Variants in ZNF454 observed in about 807,000 individuals in gnomAD.
ZNF454 encodes zinc finger protein 454.
Under a neutral mutation model 48.2 loss-of-function variants are expected in ZNF454, and 30 were observed. The ratio of observed to expected loss-of-function variants is 0.62; its 90% CI spans 0.47 to 0.84. The LOEUF (loss-of-function observed/expected upper bound fraction) is 0.84, where lower values mean the gene tolerates loss of function less well. ZNF454 is among the 40% of genes least tolerant of loss of function. The probability of loss-of-function intolerance (pLI) is 0.00; values close to 1 mark genes in which losing one functional copy is unlikely to be tolerated. For missense variants in ZNF454, 510 were observed against 623.1 expected (o/e 0.82, Z 1.93); for synonymous variants, 204 against 211.4 (o/e 0.97, Z 0.30).
intron 2 of ZNF454, among the ~76,000 whole-genome samples, chr5:178,943,807 C>T (rs1362768740): frequency 5.3e-5 from 8 of 152,154 alleles, no homozygotes; most frequent in South Asian, 2.1e-4. Flanking sequence ...CAGCGGATCA[C>T]GAGGTCAGGA....
chr5:178,950,427 G>C (rs925840618), intron 4 of ZNF454, among the ~76,000 whole-genome samples: 3 of 152,208 alleles, frequency 2.0e-5, no homozygotes, highest in Non-Finnish European at 4.4e-5. Context: ...AATTTGGACT[G>C]ATGTAATGCT....
chr5:178,985,822 T>C, the ZNF454 span: 9 of 527,084 alleles, frequency 1.7e-5, no homozygotes, highest in African/African-American at 5.8e-5. Flanking sequence ...ATTGTAGTGG[T>C]GCGATCTTGG....
intron 4 of ZNF454, among the ~76,000 whole-genome samples, chr5:178,957,423 TTTTG>T (rs1203493427): frequency 1.3e-5 from 2 of 151,954 alleles, no homozygotes; most frequent in East Asian, 3.9e-4. Flanking sequence ...ATTTTATTTT[TTTTG>T]GGGACGAAGT....
chr5:178,965,808 C>G lies in ZNF454; in HGVS notation c.1404C>G (p.Tyr468Ter). The stretch of plus-strand genomic sequence containing the variant: ...GAATTCATACTAGGGAAAAACCTTA[C>G]AAATGTAAAATCTGTGAGAAAGCCT... Reference protein sequence around the residue: ...HKRIHTREKPYKCKICEKAFI... With the variant: ...HKRIHTREKP The change falls in exon 5 of 5, where the codon TAC becomes TAG. Residue 468 changes from tyrosine (Y) to a stop codon, truncating the protein, a stop_gained. Coordinates refer to ENST00000519564, the MANE Select transcript of ZNF454 (RefSeq NM_001178089.3). LOFTEE classifies it high-confidence loss of function. The surrounding 1 kb of genome is among the most constrained non-coding windows in gnomAD (Gnocchi z 5.2). 6.2e-7 allele frequency: 1 copy of G among 1,614,066 alleles called. No homozygotes were observed. Among genetic ancestry groups the G allele is most frequent in the Non-Finnish European group, 8.5e-7 (1 of 1,180,030 alleles).
chr5:178,941,300 A>G lies in ZNF454; in HGVS notation c.-252A>G, dbSNP rs1759075914. 2 of 441,770 alleles carry G rather than the reference A, an allele frequency of 4.5e-6. No homozygotes were observed. Among genetic ancestry groups the G allele is most frequent in the Non-Finnish European group, 9.1e-6 (2 of 218,650 alleles). 27.4% of individuals were successfully genotyped at this position (441,770 alleles called of 1,614,324 possible). ...CTCCTCGAAGAGCGACACGGGGCTG[A>G]CCAGGCACGGTGGTCAAAGCCGCAG... On this transcript the variant is annotated 5_prime_UTR_variant, in exon 1 of 5. Coordinates refer to ENST00000519564, the MANE Select transcript of ZNF454 (RefSeq NM_001178089.3). This position sits in a 1 kb window ranked among gnomAD's most constrained non-coding sequence, Gnocchi z 5.5.
chr5:178,948,648 G>C (rs191115361), intron 4 of ZNF454, among the ~76,000 whole-genome samples: 1 of 152,272 alleles, frequency 6.6e-6, no homozygotes, highest in East Asian at 1.9e-4. Flanking sequence ...TCTGAGTTTC[G>C]TGGAGATGCC....
At chr5:178,985,618 G>T in the ZNF454 span, 8 of 363,380 alleles carry the variant, frequency 2.2e-5, no homozygotes, top group African/African-American at 4.3e-5. Context: ...CAGGAGAATG[G>T]CGTGAACCCG....
chr5:178,982,016 G>A, the ZNF454 span, among the ~76,000 whole-genome samples: 7 of 152,326 alleles, frequency 4.6e-5, no homozygotes, highest in African/African-American at 1.4e-4. Context: ...CCCCGCGCCT[G>A]AGGGGCTGGC....
downstream of ZNF454, among the ~76,000 whole-genome samples, chr5:178,971,324 AAAGGC>A (rs1224276286): frequency 1.3e-5 from 2 of 152,106 alleles, no homozygotes; most frequent in African/African-American, 4.8e-5. Context: ...TGTCTGAGGG[AAAGGC>A]AAGGCAGGGT....
At chr5:178,981,364 G>A in the ZNF454 span, 662 of 396,416 alleles carry the variant, frequency 1.7e-3, 3 homozygotes, top group East Asian at 0.012. This position sits in a 1 kb window ranked among gnomAD's most constrained non-coding sequence, Gnocchi z 5.1. Context: ...TTTGGACTTC[G>A]GATGAGAGAA....
chr5:178,972,041 C>A, the ZNF454 span, among the ~76,000 whole-genome samples: 2 of 152,080 alleles, frequency 1.3e-5, no homozygotes, highest in Non-Finnish European at 2.9e-5. Context: ...TCAAGTGATT[C>A]TCCTGCTTCA....
Position 178,946,439 on chromosome 5 carries a change from G to A in ZNF454, c.114G>A (p.Leu38=). 2 of 1,611,340 alleles carry A rather than the reference G, an allele frequency of 1.2e-6. No homozygotes were observed. The highest frequency in any genetic ancestry group is 1.7e-6 in the Non-Finnish European group (2 of 1,179,200). ...AGCTGAGCCCCGCCCAGAGGGCCCT[G>A]TACAGGGACGTGATGCTGGAGAACT... The part of the protein sequence containing the change: ...WGQLSPAQRA[L]YRDVMLENYS... Residue 38 remains leucine (L), a synonymous_variant, in exon 3 of 5, where the codon CTG becomes CTA. Transcript: ENST00000519564. This position sits in a 1 kb window ranked among gnomAD's most constrained non-coding sequence, Gnocchi z 4.5.
the ZNF454 span, chr5:178,985,718 A>C: frequency 7.1e-6 from 3 of 420,936 alleles, no homozygotes; most frequent in African/African-American, 2.1e-5. Context: ...AAAAAAACAA[A>C]ACAACACAGG....
At chr5:178,981,280 C>T in the ZNF454 span, 7 of 253,710 alleles carry the variant, frequency 2.8e-5, no homozygotes, top group Non-Finnish European at 4.6e-5. The surrounding 1 kb of genome is among the most constrained non-coding windows in gnomAD (Gnocchi z 5.1). Flanking sequence ...CTGCCCAATC[C>T]CCAGGTTATG....
the ZNF454 span, among the ~76,000 whole-genome samples, chr5:178,973,667 C>T: frequency 1.3e-5 from 2 of 152,048 alleles, no homozygotes; most frequent in South Asian, 2.1e-4. Flanking sequence ...CACGGTGAAA[C>T]CCCGTCTCTA....
chr5:178,986,927 C>T, the ZNF454 span: 8 of 1,614,070 alleles, frequency 5.0e-6, no homozygotes, highest in Non-Finnish European at 6.8e-6. Flanking sequence ...TGGAAGATGT[C>T]GTACCGCCCG....
chr5:178,968,912 A>G (rs1760202565), downstream of ZNF454: 2 of 456,016 alleles, frequency 4.4e-6, no homozygotes, highest in South Asian at 3.1e-5. Flanking sequence ...AGCGGCATTA[A>G]GTGCAGGCTG....
chr5:178,969,332 G>A (rs1760208787), downstream of ZNF454: 2 of 400,480 alleles, frequency 5.0e-6, no homozygotes, highest in Admixed American at 5.3e-5. Flanking sequence ...TCTACCAGCT[G>A]ATCTGTGTGG....
At chr5:178,985,569 G>T in the ZNF454 span, 9 of 339,748 alleles carry the variant, frequency 2.6e-5, no homozygotes, top group South Asian at 9.0e-5. Flanking sequence ...CGGGCGTGGT[G>T]GCGGGCGCCT....
Sources: allele counts gnomAD v4.1 joint callset (sites outside exome capture counted in the v4.1 genomes callset), GRCh38; gene constraint gnomAD v4.1.1; non-coding constraint Gnocchi (gnomAD v3.1); transcripts MANE v1.5; gene names NCBI Gene and HGNC (gene_info 2026-07-23, HGNC 2026-07-21).